The following ALG6 variants were observed in gnomAD, a reference collection of about 807,000 sequenced individuals.
ALG6 encodes ALG6 alpha-1,3-glucosyltransferase.
A neutral mutation model predicts 66.6 loss-of-function variants in ALG6; 46 were observed. The ratio of observed to expected loss-of-function variants is 0.69; its 90% CI spans 0.55 to 0.88. ALG6 has a LOEUF of 0.88. Among genes scored for constraint, ALG6 ranks in the 40% least tolerant of loss-of-function variants. ALG6 has a pLI of 0.00. For synonymous variants in ALG6, 185 were observed against 203.7 expected (o/e 0.91, Z 0.78); for missense variants, 505 against 586.8 (o/e 0.86, Z 1.44).
intron 12 of ALG6, among the ~76,000 whole-genome samples, chr1:63,422,223 A>C (rs1202475654): frequency 3.5e-5 from 2 of 57,362 alleles, no homozygotes; most frequent in African/African-American, 1.8e-4. Context: ...ATATATTTAT[A>C]TAAATATAAA....
intron 12 of ALG6, among the ~76,000 whole-genome samples, chr1:63,422,615 G>A (rs577857634): frequency 4.6e-5 from 7 of 151,360 alleles, no homozygotes; most frequent in Non-Finnish European, 7.4e-5. Context: ...CTTTGGTGGG[G>A]CCAGTGTTGG....
intron 3 of ALG6, among the ~76,000 whole-genome samples, chr1:63,400,265 ATACG>A (rs1644450529): frequency 3.6e-3 from 6 of 1,686 alleles, no homozygotes; most frequent in Non-Finnish European, 6.8e-3. Context: ...GTATATATAT[ATACG>A]TATATATATA....
intron 14 of ALG6, among the ~76,000 whole-genome samples, chr1:63,430,391 GT>G (rs1644639651): frequency 6.6e-6 from 1 of 152,168 alleles, no homozygotes. Context: ...GTGCACATAT[GT>G]TTTCATTTCC....
intron 4 of ALG6, among the ~76,000 whole-genome samples, chr1:63,403,686 A>G (rs1285473540): frequency 1.6e-5 from 1 of 62,396 alleles, no homozygotes; most frequent in Non-Finnish European, 2.8e-5. Flanking sequence ...ATAGCCTACT[A>G]TATCTAGGCG....
chr1:63,396,386 C>T (rs987867397), intron 2 of ALG6, 127 bp from the exon 3 acceptor site: 11 of 788,346 alleles, frequency 1.4e-5, no homozygotes, highest in Admixed American at 6.5e-5. Flanking sequence ...CTGACTTTCT[C>T]GGTAACTCCT....
At chr1:63,411,844 T>C in intron 8 of ALG6, 82 bp from the exon 9 acceptor site, 1 of 1,564,138 alleles carries the variant, frequency 6.4e-7, no homozygotes, top group Admixed American at 1.7e-5. Flanking sequence ...TGTGCATGTA[T>C]TATGTTCAGT....
At chr1:63,372,396 C>G (rs571927672) in intron 2 of ALG6, among the ~76,000 whole-genome samples, 1 of 152,044 alleles carries the variant, frequency 6.6e-6, no homozygotes, top group African/African-American at 2.4e-5. Flanking sequence ...CATTTACTCT[C>G]TACTTACACA....
At chr1:63,429,177 A>T (rs766347360) in intron 14 of ALG6, 51 bp downstream of exon 14, 2 of 1,339,144 alleles carry the variant, frequency 1.5e-6, no homozygotes, top group South Asian at 2.5e-5. Flanking sequence ...TCACTATTTT[A>T]AAAAATTATT....
At chr1:63,393,959 T>C (rs1029204082) in intron 2 of ALG6, among the ~76,000 whole-genome samples, 11 of 152,246 alleles carry the variant, frequency 7.2e-5, no homozygotes, top group African/African-American at 2.7e-4. Context: ...CATGCGTGTA[T>C]ACTATGGTTA....
intron 12 of ALG6, among the ~76,000 whole-genome samples, chr1:63,425,826 G>C (rs1644612337): frequency 6.6e-6 from 1 of 152,082 alleles, no homozygotes; most frequent in Non-Finnish European, 1.5e-5. Context: ...TAGAATTTAA[G>C]GTAGGTAAAA....
chr1:63,422,998 A>G (rs1175642002), intron 12 of ALG6, among the ~76,000 whole-genome samples: 1 of 149,590 alleles, frequency 6.7e-6, no homozygotes, highest in Non-Finnish European at 1.5e-5. Context: ...AGAGGAGAAG[A>G]ACTAAAGACA....
At position 63,411,877 on chromosome 1, in the gene ALG6, A is replaced by T. The variant is rs767303584; in HGVS notation, c.681-49A>T. ...AGTGAGACTCAGGTTGATTTTGCAG[A>T]ATTACTGACCTTTCCCTATCTTACT... On this transcript the variant is annotated intron_variant, in intron 8 of 14. Transcript: ENST00000263440. 2.5e-6 allele frequency: 4 copies of T among 1,613,400 alleles called. No individual in the cohort carries two copies. In the East Asian group the frequency reaches 8.9e-5, roughly 36 times the overall value.
intron 14 of ALG6, among the ~76,000 whole-genome samples, chr1:63,430,640 G>T (rs1318215098): frequency 6.6e-6 from 1 of 152,142 alleles, no homozygotes; most frequent in South Asian, 2.1e-4. Context: ...TTTCCCTAAT[G>T]ACTAATGATG....
intron 11 of ALG6, 109 bp from the exon 12 acceptor site, chr1:63,419,261 A>G: frequency 1.1e-6 from 1 of 933,682 alleles, no homozygotes; most frequent in Non-Finnish European, 1.7e-6. Flanking sequence ...TAGAGCTTTA[A>G]TAAACTTTCA....
At chr1:63,417,363 A>G (rs1644550590) in intron 11 of ALG6, among the ~76,000 whole-genome samples, 1 of 152,176 alleles carries the variant, frequency 6.6e-6, no homozygotes, top group South Asian at 2.1e-4. Context: ...GCCAGAAAAA[A>G]CATTTTCTTT....
At chr1:63,418,327 T>G (rs964899548) in intron 11 of ALG6, among the ~76,000 whole-genome samples, 2 of 148,132 alleles carry the variant, frequency 1.4e-5, no homozygotes, top group African/African-American at 4.9e-5. Context: ...AATAATAATA[T>G]TTATAAATAT....
At chr1:63,434,747 G>C (rs370783932) in intron 14 of ALG6, among the ~76,000 whole-genome samples, 38 of 152,322 alleles carry the variant, frequency 2.5e-4, no homozygotes, top group East Asian at 1.3e-3. Context: ...AAAGGGCCAG[G>C]CTGGAGACGA....
intron 5 of ALG6, 64 bp from the exon 6 acceptor site, chr1:63,406,253 C>A: frequency 7.3e-7 from 1 of 1,362,128 alleles, no homozygotes; most frequent in Non-Finnish European, 1.1e-6. Context: ...GGAAGGGAGG[C>A]AGTTAATGGG....
Position 63,428,945 on chromosome 1 carries a change from T to TGAAGAGGG in ALG6, c.1149_1150insAGGGGAAG (p.Asp384ArgfsTer7). 1 of 1,613,412 alleles carries TGAAGAGGG rather than the reference T, an allele frequency of 6.2e-7. No homozygotes were observed. On this transcript the variant is annotated frameshift_variant, in exon 14 of 15. Transcript: ENST00000263440. LOFTEE classifies it high-confidence loss of function. ...CTTTACAGTATGCTACCTCTTCTAT[T>TGAAGAGGG]GAAGGATGAACTCCTAATGCCCTCT...
Sources: gnomAD v4.1 joint callset for allele counts (sites outside exome capture counted in the v4.1 genomes callset) on GRCh38, gnomAD v4.1.1 for gene constraint, MANE v1.5 for transcripts, NCBI Gene and HGNC (gene_info 2026-07-23, HGNC 2026-07-21) for gene names.